Variants in KIAA1549L observed in about 807,000 individuals in gnomAD.
KIAA1549L encodes UPF0606 protein KIAA1549L.
KIAA1549L carries 88 observed loss-of-function variants against 160.7 expected under a neutral mutation model. The ratio of observed to expected loss-of-function variants is 0.55; its 90% CI spans 0.46 to 0.65. The LOEUF is 0.65. KIAA1549L is among the 30% of genes least tolerant of loss of function. The probability of loss-of-function intolerance (pLI) is 0.00; values close to 1 mark genes in which losing one functional copy is unlikely to be tolerated. For missense variants in KIAA1549L, 2,258 were observed against 2,437.5 expected (o/e 0.93, Z 1.55); for synonymous variants, 950 against 976.7 (o/e 0.97, Z 0.51).
At chr11:33,461,915 CAG>C (rs1851950227) in intron 1 of KIAA1549L, among the ~76,000 whole-genome samples, 1 of 152,194 alleles carries the variant, frequency 6.6e-6, no homozygotes, top group African/African-American at 2.4e-5. Context: ...TATGCCTCAT[CAG>C]GACACAGTGC....
chr11:33,621,447 G>A (rs554084536), intron 16 of KIAA1549L, among the ~76,000 whole-genome samples: 23 of 152,284 alleles, frequency 1.5e-4, no homozygotes, highest in African/African-American at 5.5e-4. Context: ...AGAGGGATGT[G>A]TTATTTTCAC....
At chr11:33,652,300 T>C (rs1189698985) in intron 17 of KIAA1549L, among the ~76,000 whole-genome samples, 1 of 151,464 alleles carries the variant, frequency 6.6e-6, no homozygotes, top group Non-Finnish European at 1.5e-5. Context: ...TGCACAGGAG[T>C]GGGTAGAAGA....
At chr11:33,633,139 CTTTTTTTTTTTTTTTTTT>C (rs56310347) in intron 16 of KIAA1549L, among the ~76,000 whole-genome samples, 1 of 50,714 alleles carries the variant, frequency 2.0e-5, no homozygotes, top group Non-Finnish European at 3.3e-5. Context: ...CCATGCCCAG[CTTTTTTTTTTTTTTTTTT>C]TTTTTTTTTT....
chr11:33,644,899 G>A (rs1564938326), intron 16 of KIAA1549L, among the ~76,000 whole-genome samples: 1 of 152,218 alleles, frequency 6.6e-6, no homozygotes, highest in East Asian at 1.9e-4. Flanking sequence ...AAGCCTCAGA[G>A]CAAGAAAGCA....
intron 1 of KIAA1549L, among the ~76,000 whole-genome samples, chr11:33,521,737 A>T (rs1050404470): frequency 6.6e-6 from 1 of 152,230 alleles, no homozygotes; most frequent in African/African-American, 2.4e-5. Context: ...GCTAAGCCAC[A>T]TGACGAAAGT....
intron 1 of KIAA1549L, among the ~76,000 whole-genome samples, chr11:33,459,531 A>C: frequency 6.6e-6 from 1 of 152,210 alleles, no homozygotes; most frequent in Admixed American, 6.5e-5. Context: ...TAGCAGGATA[A>C]CATATTACAT....
intron 1 of KIAA1549L, among the ~76,000 whole-genome samples, chr11:33,392,889 T>C (rs930867379): frequency 1.3e-5 from 2 of 152,162 alleles, no homozygotes; most frequent in African/African-American, 4.8e-5. Flanking sequence ...CTGAACACTT[T>C]CATAATTCTG....
At chr11:33,510,214 C>T (rs1853194713) in intron 1 of KIAA1549L, among the ~76,000 whole-genome samples, 2 of 152,014 alleles carry the variant, frequency 1.3e-5, no homozygotes, top group Non-Finnish European at 2.9e-5. Context: ...TCTTTCGTGT[C>T]TTGTTCTGTC....
At chr11:33,658,269 A>G (rs1852138001) in intron 18 of KIAA1549L, among the ~76,000 whole-genome samples, 1 of 151,974 alleles carries the variant, frequency 6.6e-6, no homozygotes, top group Non-Finnish European at 1.5e-5. Flanking sequence ...GCTTCCTGCC[A>G]GTTAGGAATA....
At chr11:33,568,880 A>AT (rs1855146785) in intron 9 of KIAA1549L, among the ~76,000 whole-genome samples, 1 of 152,206 alleles carries the variant, frequency 6.6e-6, no homozygotes. Flanking sequence ...TGCCCATGCC[A>AT]TGCTGGTTGG....
In KIAA1549L at chr11:33,569,688, T is replaced by A. The variant is rs11820467; in HGVS notation, c.4230+1461T>A. Among the ~76,000 whole-genome samples, 494 of 152,314 alleles carry A rather than the reference T, an allele frequency of 3.2e-3. 2 individuals are homozygous for A. Among genetic ancestry groups the A allele is most frequent in the African/African-American group, 0.011 (471 of 41,574 alleles). ...CGCAGTTGGTGAATTTGGCCGTTTG[T>A]CCTATTGGATGTTGCTTTGGTTCTA... On this transcript the variant is annotated intron_variant, in intron 9 of 20. Coordinates refer to ENST00000658780, the MANE Select transcript of KIAA1549L (RefSeq NM_012194.3).
chr11:33,667,063 G>A (rs1166378979), intron 20 of KIAA1549L, among the ~76,000 whole-genome samples: 2 of 152,186 alleles, frequency 1.3e-5, no homozygotes, highest in Non-Finnish European at 2.9e-5. Flanking sequence ...TGGGCATGGT[G>A]GTACCCACCT....
chr11:33,635,438 C>T lies in KIAA1549L; in HGVS notation c.5410-10248C>T, dbSNP rs568038400. ...AATCTGTTCGTGCAGGATGGAGCTG[C>T]GATTGACACTGAGCTGAAAATCTGG... On this transcript the variant is annotated intron_variant, in intron 16 of 20. Coordinates refer to ENST00000658780, the MANE Select transcript of KIAA1549L (RefSeq NM_012194.3). 2.6e-4 allele frequency among the ~76,000 whole-genome samples: 39 copies of T among 152,260 alleles called. No homozygotes were observed. The South Asian group carries it at 6.2e-3, about 24-fold the overall frequency.
At chr11:33,477,520 A>ACACACACACACACACACAC (rs1554981526) in intron 1 of KIAA1549L, among the ~76,000 whole-genome samples, 3 of 146,914 alleles carry the variant, frequency 2.0e-5, no homozygotes, top group African/African-American at 7.5e-5. Context: ...CACACACACA[A>ACACACACACACACACACAC]ACACACACAC....
In KIAA1549L at chr11:33,547,781, A is replaced by G. The variant is rs771215082; in HGVS notation, c.3403A>G (p.Arg1135Gly). 1.2e-6 allele frequency: 2 copies of G among 1,612,080 alleles called. No homozygotes were observed. Among genetic ancestry groups the G allele is most frequent in the Non-Finnish European group, 1.7e-6 (2 of 1,178,494 alleles). ...CCCCACAGTTCTCTTTCTCACCCAA[A>G]GGAGAGTGCAGATCAGTGAATCCTT... ...LVKTVLFLTQ[R>G]RVQISESLKF... The change falls in exon 4 of 21, where the codon AGG (arginine) becomes GGG (glycine). Residue 1135 changes from arginine to glycine, a missense_variant. Physicochemically the swap from Arg to Gly is moderately radical, Grantham distance 125 (BLOSUM62 -2). Around this residue, in one of 6 missense-constraint regions of KIAA1549L, gnomAD observed 1,359 missense variants for 1,546.6 expected, o/e 0.88. Coordinates refer to ENST00000658780, the MANE Select transcript of KIAA1549L (RefSeq NM_012194.3).
chr11:33,381,364 C>T (rs1850070753), intron 1 of KIAA1549L, among the ~76,000 whole-genome samples: 1 of 152,056 alleles, frequency 6.6e-6, no homozygotes, highest in South Asian at 2.1e-4. Flanking sequence ...AGGAGATGGC[C>T]TTGAGTAGAC....
At chr11:33,588,079 G>C (rs1849933796) in intron 11 of KIAA1549L, among the ~76,000 whole-genome samples, 1 of 152,194 alleles carries the variant, frequency 6.6e-6, no homozygotes, top group Non-Finnish European at 1.5e-5. Context: ...CTGAACCTCA[G>C]TTGCTTCATC....
chr11:33,657,471 CT>C (rs1049270279), intron 18 of KIAA1549L, among the ~76,000 whole-genome samples: 1 of 150,896 alleles, frequency 6.6e-6, no homozygotes, highest in African/African-American at 2.4e-5. Context: ...TTGTCTACCC[CT>C]GTCATTGTAT....
chr11:33,549,723 G>T (rs1226467852), intron 4 of KIAA1549L, among the ~76,000 whole-genome samples: 1 of 152,170 alleles, frequency 6.6e-6, no homozygotes, highest in Non-Finnish European at 1.5e-5. Context: ...AAACTTCCTG[G>T]CCGGGCACAG....
Sources: allele counts gnomAD v4.1 joint callset (sites outside exome capture counted in the v4.1 genomes callset), GRCh38; gene constraint gnomAD v4.1.1; regional missense constraint gnomAD v4.1.1; transcripts MANE v1.5; gene names NCBI Gene and HGNC (gene_info 2026-07-23, HGNC 2026-07-21).